Variants in GRIK3 observed in about 807,000 individuals in gnomAD.
The protein encoded by GRIK3 is glutamate receptor ionotropic, kainate 3.
In GRIK3, 29 loss-of-function variants were observed where a neutral mutation model predicts 102.5. That is an observed-to-expected ratio of 0.28 (90% CI 0.21 to 0.39). The LOEUF is 0.39. Among genes scored for constraint, GRIK3 ranks in the 10% least tolerant of loss-of-function variants. The probability of loss-of-function intolerance (pLI) is 1.00; values close to 1 mark genes in which losing one functional copy is unlikely to be tolerated. For synonymous variants in GRIK3, 511 were observed against 504.9 expected (o/e 1.01, Z -0.16); for missense variants, 908 against 1,252.4 (o/e 0.73, Z 4.15).
At chr1:36,966,354 T>C (rs1289902161) in intron 1 of GRIK3, among the ~76,000 whole-genome samples, 1 of 152,178 alleles carries the variant, frequency 6.6e-6, no homozygotes, top group Non-Finnish European at 1.5e-5. Flanking sequence ...GCTAAAGAGT[T>C]TGCCAAGCCA....
chr1:37,015,906 C>T (rs1642648554), intron 1 of GRIK3, among the ~76,000 whole-genome samples: 1 of 152,232 alleles, frequency 6.6e-6, no homozygotes, highest in African/African-American at 2.4e-5. Flanking sequence ...TTAAAATGCT[C>T]CTGCCAAGAT....
At chr1:36,839,664 A>G (rs1254083457) in intron 10 of GRIK3, among the ~76,000 whole-genome samples, 2 of 152,258 alleles carry the variant, frequency 1.3e-5, no homozygotes, top group African/African-American at 4.8e-5. Context: ...TTTCCCTTTT[A>G]CAGATGCAGA....
At position 36,864,279 on chromosome 1, in the gene GRIK3, T is replaced by TG. The variant is rs201270559; in HGVS notation, c.787-4263dup. Among the ~76,000 whole-genome samples the TG allele has an allele frequency of 8.5e-3, 1,300 of 152,210 alleles. 20 individuals are homozygous for TG. Among genetic ancestry groups the TG allele is most frequent in the African/African-American group, 0.03 (1,231 of 41,522 alleles). ...AAACTGCCTTTCAACCAGGAGGGTC[T>TG]GGGGAGCTGGAAGGATTTCCTTTTG... On this transcript the variant is annotated intron_variant, in intron 5 of 15. Coordinates refer to ENST00000373091, the MANE Select transcript of GRIK3 (RefSeq NM_000831.4).
intron 9 of GRIK3, among the ~76,000 whole-genome samples, chr1:36,843,378 T>C (rs1197374476): frequency 1.3e-5 from 2 of 152,218 alleles, no homozygotes; most frequent in East Asian, 3.8e-4. Flanking sequence ...TTTAAACTCT[T>C]TGTCACAGAC....
intron 1 of GRIK3, among the ~76,000 whole-genome samples, chr1:36,927,718 C>T (rs1257649677): frequency 6.6e-6 from 1 of 152,138 alleles, no homozygotes; most frequent in African/African-American, 2.4e-5. Flanking sequence ...AATCCATCTC[C>T]GCGCTGCAGA....
Position 36,880,039 on chromosome 1 carries a change from G to A in GRIK3, c.550+595C>T, listed in dbSNP as rs1640952795. 6.6e-6 allele frequency among the ~76,000 whole-genome samples: 1 copy of A among 152,054 alleles called. No individual in the cohort carries two copies. Among genetic ancestry groups the A allele is most frequent in the East Asian group, 1.9e-4 (1 of 5,198 alleles). On this transcript the variant is annotated intron_variant, in intron 3 of 15. Transcript: ENST00000373091. The surrounding 1 kb of genome is among the most constrained non-coding windows in gnomAD (Gnocchi z 5.4). ...GGTGAAGGTGTGAGGAGGATGAGAA[G>A]AACCAACCTTCAGCGCTCACTGCAT...
intron 1 of GRIK3, among the ~76,000 whole-genome samples, chr1:36,979,223 C>T (rs1642223861): frequency 6.6e-6 from 1 of 152,254 alleles, no homozygotes; most frequent in African/African-American, 2.4e-5. Flanking sequence ...CTCGCTACAA[C>T]ACATGCTCTA....
At chr1:36,952,600 C>T (rs1001493678) in intron 1 of GRIK3, among the ~76,000 whole-genome samples, 13 of 152,312 alleles carry the variant, frequency 8.5e-5, no homozygotes, top group East Asian at 1.9e-4. Flanking sequence ...ATAATGAACA[C>T]GCACTGTGTG....
At position 36,800,393 on chromosome 1, in the gene GRIK3, A is replaced by C. The variant is rs1273406286; in HGVS notation, c.*1458T>G. On this transcript the variant is annotated 3_prime_UTR_variant, in exon 16 of 16. Transcript: ENST00000373091. ...CCTTCATGTCTCATTCTTTTCCAAG[A>C]CTCTTAAAGTCACAGACCTCTAGAG... The C allele has an allele frequency of 6.6e-6, 1 of 151,866 alleles. No individual in the cohort carries two copies. The highest frequency in any genetic ancestry group is 1.5e-5 in the Non-Finnish European group (1 of 67,972). The allele number at this position is 151,866 out of a possible 1,614,324, so 9.4% of individuals were successfully genotyped here. A position where few individuals can be genotyped will look rare whatever the true frequency, so the allele number is the denominator to read the frequency against.
At chr1:36,964,873 C>G (rs1263706673) in intron 1 of GRIK3, among the ~76,000 whole-genome samples, 2 of 152,174 alleles carry the variant, frequency 1.3e-5, no homozygotes, top group East Asian at 3.9e-4. Flanking sequence ...AGGAAGACCC[C>G]CATAGTTGCC....
intron 1 of GRIK3, among the ~76,000 whole-genome samples, chr1:37,031,504 G>A (rs1305872361): frequency 6.6e-6 from 1 of 152,252 alleles, no homozygotes; most frequent in African/African-American, 2.4e-5. Context: ...GGGTGGGTAC[G>A]ATGCTCCTCA....
At chr1:36,962,258 A>G (rs1203077553) in intron 1 of GRIK3, among the ~76,000 whole-genome samples, 1 of 152,012 alleles carries the variant, frequency 6.6e-6, no homozygotes, top group Non-Finnish European at 1.5e-5. Flanking sequence ...GGCACTCTCC[A>G]TTCCTCTTAT....
chr1:36,908,934 A>G (rs576340484), intron 1 of GRIK3, among the ~76,000 whole-genome samples: 1 of 152,292 alleles, frequency 6.6e-6, no homozygotes, highest in Non-Finnish European at 1.5e-5. Context: ...AACAACAACC[A>G]CAGCAGTAAT....
At chr1:37,031,207 A>G (rs765596854) in intron 1 of GRIK3, among the ~76,000 whole-genome samples, 15 of 152,218 alleles carry the variant, frequency 9.9e-5, no homozygotes, top group Non-Finnish European at 2.1e-4. Context: ...CATAGAATAC[A>G]TCTTCCACAT....
At chr1:36,840,726 C>G (rs935538140) in intron 10 of GRIK3, among the ~76,000 whole-genome samples, 6 of 152,116 alleles carry the variant, frequency 3.9e-5, no homozygotes, top group African/African-American at 1.4e-4. Flanking sequence ...CTAACAACAG[C>G]AACAATTACT....
Position 36,947,895 on chromosome 1 carries a change from G to A in GRIK3, c.116-56799C>T, listed in dbSNP as rs112312487. 5.4e-3 allele frequency among the ~76,000 whole-genome samples: 819 copies of A among 152,036 alleles called. 7 individuals are homozygous for A. The highest frequency in any genetic ancestry group is 0.019 in the African/African-American group (787 of 41,470). On this transcript the variant is annotated intron_variant, in intron 1 of 15. Coordinates refer to ENST00000373091, the MANE Select transcript of GRIK3 (RefSeq NM_000831.4). ...ATGATACTTTGCTGCAGTGATCAGC[G>A]ATGGTTCATGGCCATCTCCGTGGGT...
chr1:36,838,182 C>T (rs560219280), intron 10 of GRIK3, among the ~76,000 whole-genome samples: 19 of 152,194 alleles, frequency 1.2e-4, no homozygotes, highest in Non-Finnish European at 2.4e-4. Flanking sequence ...TTAAATCTTC[C>T]TACCAATGCC....
chr1:37,001,158 T>C (rs1430144890), intron 1 of GRIK3, among the ~76,000 whole-genome samples: 1 of 152,192 alleles, frequency 6.6e-6, no homozygotes, highest in Non-Finnish European at 1.5e-5. Context: ...GTGCTCCATG[T>C]CCCCATCCTC....
chr1:37,016,639 A>G (rs1642655077), intron 1 of GRIK3, among the ~76,000 whole-genome samples: 1 of 152,156 alleles, frequency 6.6e-6, no homozygotes, highest in Non-Finnish European at 1.5e-5. Flanking sequence ...CTTTACTGAA[A>G]GAAAAACAGC....
Sources: allele counts gnomAD v4.1 joint callset (sites outside exome capture counted in the v4.1 genomes callset), GRCh38; gene constraint gnomAD v4.1.1; non-coding constraint Gnocchi (gnomAD v3.1); transcripts MANE v1.5; gene names NCBI Gene and HGNC (gene_info 2026-07-23, HGNC 2026-07-21).